Variants in BLTP2 observed in about 807,000 individuals in gnomAD.
BLTP2 encodes the protein bridge-like lipid transfer protein family member 2.
chr17:28,620,892 A>AT, the BLTP2 span: 1 of 1,216,082 alleles, frequency 8.2e-7, no homozygotes, highest in Non-Finnish European at 1.2e-6. Context: ...TGCACAGTGG[A>AT]TTTTTAATAA....
At chr17:28,637,702 C>T in the BLTP2 span, 14 of 732,284 alleles carry the variant, frequency 1.9e-5, no homozygotes, top group East Asian at 3.1e-4. Flanking sequence ...GACAGAGTCT[C>T]GCTCGTTTGC....
chr17:28,633,004 C>T, the BLTP2 span: 12 of 1,580,208 alleles, frequency 7.6e-6, no homozygotes, highest in South Asian at 1.2e-5. Context: ...GCGAAAGGCC[C>T]GGTAGGAGTC....
the BLTP2 span, among the ~76,000 whole-genome samples, chr17:28,636,647 T>C: frequency 6.6e-6 from 1 of 152,228 alleles, no homozygotes; most frequent in Non-Finnish European, 1.5e-5. Context: ...TAGTTTTGTA[T>C]GTATTTTAAA....
the BLTP2 span, chr17:28,617,008 T>A: frequency 6.3e-7 from 1 of 1,599,208 alleles, no homozygotes; most frequent in Middle Eastern, 1.8e-4. Context: ...ACCTGTAGGA[T>A]AGAGAGTAAA....
At chr17:28,615,283 A>T in the BLTP2 span, 1 of 1,521,822 alleles carries the variant, frequency 6.6e-7, no homozygotes, top group Non-Finnish European at 9.0e-7. Flanking sequence ...AAATGTAAAT[A>T]TTAGTGGGCA....
the BLTP2 span, chr17:28,638,472 CT>C: frequency 6.3e-7 from 1 of 1,598,344 alleles, no homozygotes; most frequent in South Asian, 1.1e-5. Context: ...TCAATTGGGC[CT>C]AGCTCCACTA....
At chr17:28,629,683 T>C in the BLTP2 span, among the ~76,000 whole-genome samples, 1 of 152,172 alleles carries the variant, frequency 6.6e-6, no homozygotes, top group South Asian at 2.1e-4. Flanking sequence ...TTCACCATAT[T>C]GGCCAGGCTG....
chr17:28,633,722 C>T, the BLTP2 span: 1 of 1,613,972 alleles, frequency 6.2e-7, no homozygotes, highest in Non-Finnish European at 8.5e-7. Context: ...CAGCATGGGC[C>T]CCACACCACT....
chr17:28,635,092 T>C, the BLTP2 span: 1 of 1,613,506 alleles, frequency 6.2e-7, no homozygotes, highest in South Asian at 1.1e-5. Context: ...AGAAAAGTCA[T>C]ACTGATAAGG....
chr17:28,636,870 T>C, the BLTP2 span: 5 of 1,036,828 alleles, frequency 4.8e-6, no homozygotes, highest in Non-Finnish European at 2.9e-6. Context: ...ACACTCTGTT[T>C]TGGGAAAAGA....
the BLTP2 span, chr17:28,639,427 G>T: frequency 6.2e-7 from 1 of 1,613,336 alleles, no homozygotes; most frequent in South Asian, 1.1e-5. Flanking sequence ...CAAGTGTTCA[G>T]AACTAGGGAG....
the BLTP2 span, among the ~76,000 whole-genome samples, chr17:28,636,467 CA>C: frequency 2.6e-5 from 4 of 152,140 alleles, no homozygotes; most frequent in African/African-American, 9.7e-5. Flanking sequence ...TTCAGAGATG[CA>C]TAGTGAAATA....
chr17:28,625,502 T>C, the BLTP2 span, among the ~76,000 whole-genome samples: 1 of 152,142 alleles, frequency 6.6e-6, no homozygotes. Context: ...GACATTATAT[T>C]GATACCTTAC....
the BLTP2 span, chr17:28,618,843 T>C: frequency 6.2e-7 from 1 of 1,614,054 alleles, no homozygotes; most frequent in Admixed American, 1.7e-5. Flanking sequence ...CAGCTGTCCA[T>C]CTTCCTCTGT....
the BLTP2 span, among the ~76,000 whole-genome samples, chr17:28,637,636 G>C: frequency 6.6e-6 from 1 of 152,086 alleles, no homozygotes; most frequent in Admixed American, 6.5e-5. Context: ...ATCTGCTAAG[G>C]TTACACACTA....
the BLTP2 span, chr17:28,639,167 A>G: frequency 1.3e-6 from 1 of 776,518 alleles, no homozygotes; most frequent in South Asian, 1.6e-5. Context: ...TCTAATGGGA[A>G]AGATATATAA....
At chr17:28,618,337 G>C in the BLTP2 span, among the ~76,000 whole-genome samples, 1 of 150,528 alleles carries the variant, frequency 6.6e-6, no homozygotes, top group South Asian at 2.1e-4. Context: ...CTGCAGGCTC[G>C]AACTCCAGGG....
chr17:28,621,649 G>C, the BLTP2 span: 3 of 640,606 alleles, frequency 4.7e-6, no homozygotes, highest in Non-Finnish European at 5.7e-6. Context: ...TCCCAGGATA[G>C]AGGACATACT....
chr17:28,632,041 T>A, the BLTP2 span: 11 of 1,611,776 alleles, frequency 6.8e-6, no homozygotes, highest in Non-Finnish European at 8.5e-6. Flanking sequence ...GGGACATCAG[T>A]GCCTTACCTG....
Sources: allele counts gnomAD v4.1 joint callset (sites outside exome capture counted in the v4.1 genomes callset), GRCh38; gene constraint gnomAD v4.1.1; transcripts MANE v1.5; gene names NCBI Gene and HGNC (gene_info 2026-07-23, HGNC 2026-07-21).